ZNF568: variants seen among roughly 807,000 people sequenced by gnomAD.
The protein encoded by ZNF568 is zinc finger protein 568.
In ZNF568, 11 loss-of-function variants were observed where a neutral mutation model predicts 18.1. That is an observed-to-expected ratio of 0.61 (90% CI 0.38 to 1.00). The LOEUF is 1.00. Ranked by LOEUF, ZNF568 falls within the 50% of genes least tolerant of loss-of-function variation. The pLI is 0.01. For missense variants in ZNF568, 639 were observed against 768.2 expected (o/e 0.83, Z 1.99); for synonymous variants, 213 against 246.6 (o/e 0.86, Z 1.28).
Position 36,925,310 on chromosome 19 carries a change from G to A in ZNF568, c.135+52G>A, listed in dbSNP as rs758768884. On this transcript the variant is annotated intron_variant, in intron 4 of 6. Transcript: ENST00000333987. ...CTGCATTATTTTGCAGTGCAGTTAC[G>A]GTGGGTTCTTGTAACCTACCAATGT... 2.2e-5 allele frequency: 33 copies of A among 1,528,276 alleles called. No individual in the cohort carries two copies. In the South Asian group the frequency reaches 3.0e-4, roughly 14 times the overall value. The allele number at this position is 1,528,276 out of a possible 1,614,324, so 94.7% of individuals were successfully genotyped here. A position where few individuals can be genotyped will look rare whatever the true frequency, so the allele number is the denominator to read the frequency against.
At chr19:36,993,301 G>T (rs1196808372) in intron 4 of ZNF568, among the ~76,000 whole-genome samples, 2 of 152,146 alleles carry the variant, frequency 1.3e-5, no homozygotes, top group Non-Finnish European at 2.9e-5. Flanking sequence ...AATTTTACCT[G>T]GATGTGGTAT....
At chr19:36,974,521 T>C in intron 7 of ZNF568, 1 of 1,467,406 alleles carries the variant, frequency 6.8e-7, no homozygotes, top group Non-Finnish European at 9.2e-7. Context: ...CAGGACAGTG[T>C]CCTATTTCAG....
intron 6 of ZNF568, among the ~76,000 whole-genome samples, chr19:36,972,124 T>C (rs1476717922): frequency 6.6e-6 from 1 of 152,140 alleles, no homozygotes; most frequent in African/African-American, 2.4e-5. Flanking sequence ...TGAGCCACCG[T>C]GCCCAGCCTA....
downstream of ZNF568, among the ~76,000 whole-genome samples, chr19:36,953,326 T>G (rs2074082731): frequency 6.6e-6 from 1 of 152,232 alleles, no homozygotes. Flanking sequence ...TATTTTGAAA[T>G]GAGAAATCAT....
chr19:36,997,502 C>T (rs752229648), downstream of ZNF568: 2 of 1,587,558 alleles, frequency 1.3e-6, no homozygotes, highest in Non-Finnish European at 1.7e-6. Flanking sequence ...ATTCGAAGGT[C>T]AGAACTCACA....
intron 2 of ZNF568, among the ~76,000 whole-genome samples, chr19:36,988,787 A>G (rs992744352): frequency 2.2e-4 from 34 of 152,220 alleles, no homozygotes; most frequent in African/African-American, 7.7e-4. Context: ...TCTATGTGGT[A>G]TAATGAGCCA....
At chr19:36,976,359 A>G (rs969744605) in intron 7 of ZNF568, 1 of 152,144 alleles carries the variant, frequency 6.6e-6, no homozygotes, top group Admixed American at 6.5e-5. Flanking sequence ...TAACAACCCT[A>G]TTAGACAGGT....
intron 6 of ZNF568, among the ~76,000 whole-genome samples, chr19:36,966,651 G>A (rs1389463603): frequency 1.3e-5 from 2 of 152,224 alleles, no homozygotes; most frequent in African/African-American, 2.4e-5. Flanking sequence ...AGCTTTGTCA[G>A]TAGAGGGTGT....
intron 6 of ZNF568, among the ~76,000 whole-genome samples, chr19:36,962,775 T>G (rs921731446): frequency 1.5e-4 from 23 of 152,258 alleles, no homozygotes; most frequent in South Asian, 8.3e-4. Flanking sequence ...TTTTCTTTTT[T>G]TCTTTTAGCA....
At chr19:36,985,332 A>G (rs2074366601) in intron 2 of ZNF568, among the ~76,000 whole-genome samples, 1 of 151,960 alleles carries the variant, frequency 6.6e-6, no homozygotes, top group Non-Finnish European at 1.5e-5. Flanking sequence ...TGCTTGTTTT[A>G]TAATTTTTGG....
At chr19:36,922,146 G>T (rs774680396) in intron 2 of ZNF568, among the ~76,000 whole-genome samples, 1 of 152,144 alleles carries the variant, frequency 6.6e-6, no homozygotes, top group Admixed American at 6.5e-5. Context: ...TCTTCACTGC[G>T]TATTTGGGCT....
At chr19:36,978,106 T>G (rs1051964328) in intron 7 of ZNF568, among the ~76,000 whole-genome samples, 1 of 152,242 alleles carries the variant, frequency 6.6e-6, no homozygotes, top group Admixed American at 6.5e-5. Context: ...ACTTTTACTC[T>G]TTGCCAATAA....
At chr19:36,996,551 G>T (rs1295047622) in exon 5 of ZNF568, 3 of 1,535,970 alleles carry the variant, frequency 2.0e-6, no homozygotes, top group Middle Eastern at 1.7e-4. Context: ...TCCTGTGAAT[G>T]CAGGAAATGT....
intron 4 of ZNF568, among the ~76,000 whole-genome samples, chr19:36,993,447 G>A (rs372880335): frequency 5.9e-5 from 9 of 152,148 alleles, no homozygotes; most frequent in South Asian, 2.1e-4. Context: ...ATGTTTCTTC[G>A]TCTTCTGTCT....
chr19:36,962,493 A>G (rs1428467297), intron 6 of ZNF568, among the ~76,000 whole-genome samples: 1 of 151,568 alleles, frequency 6.6e-6, no homozygotes, highest in East Asian at 1.9e-4. Context: ...GGCATGCTCC[A>G]CCACACGTGG....
downstream of ZNF568, chr19:36,997,390 G>A: frequency 6.3e-7 from 1 of 1,590,818 alleles, no homozygotes. Flanking sequence ...TGAGTGTAAG[G>A]AATGTGAAAA....
chr19:36,997,771 T>A, downstream of ZNF568: 1 of 562,920 alleles, frequency 1.8e-6, no homozygotes, highest in Non-Finnish European at 3.0e-6. Flanking sequence ...TTCATACTGA[T>A]TTGGAAAAAA....
At chr19:36,930,335 G>A (rs758979249) in intron 4 of ZNF568, among the ~76,000 whole-genome samples, 2 of 151,382 alleles carry the variant, frequency 1.3e-5, no homozygotes, top group African/African-American at 4.9e-5. Context: ...TCAGCCTCCC[G>A]AGTCGCTGGG....
chr19:36,986,177 C>G (rs1375677079), intron 2 of ZNF568, among the ~76,000 whole-genome samples: 2 of 152,162 alleles, frequency 1.3e-5, no homozygotes, highest in Admixed American at 6.5e-5. Context: ...AAATGTTTCC[C>G]TTCTGCCATC....
Sources: gnomAD v4.1 joint callset for allele counts (sites outside exome capture counted in the v4.1 genomes callset) on GRCh38, gnomAD v4.1.1 for gene constraint, MANE v1.5 for transcripts, NCBI Gene and HGNC (gene_info 2026-07-23, HGNC 2026-07-21) for gene names.